The following RTN1 variants were observed in gnomAD, a reference collection of about 807,000 sequenced individuals.
RTN1 encodes reticulon-1.
A neutral mutation model predicts 65.5 loss-of-function variants in RTN1; 25 were observed. That is an observed-to-expected ratio of 0.38 (90% CI 0.28 to 0.53). RTN1 has a LOEUF of 0.53. RTN1 is among the 20% of genes least tolerant of loss of function. The probability of loss-of-function intolerance (pLI) is 0.79; values close to 1 mark genes in which losing one functional copy is unlikely to be tolerated. For missense variants in RTN1, 983 were observed against 1,025.4 expected (o/e 0.96, Z 0.57); for synonymous variants, 471 against 447.6 (o/e 1.05, Z -0.66).
At chr14:59,725,541 C>A (rs1884739196) in intron 3 of RTN1, among the ~76,000 whole-genome samples, 2 of 152,098 alleles carry the variant, frequency 1.3e-5, no homozygotes, top group Admixed American at 1.3e-4. Context: ...TAAGATTGAC[C>A]CAACAAACAC....
Position 59,748,210 on chromosome 14 carries a change from G to GTTT in RTN1, c.242-1732_242-1730dup, listed in dbSNP as rs67657505. 3.0e-3 allele frequency among the ~76,000 whole-genome samples: 382 copies of GTTT among 125,986 alleles called. 3 individuals are homozygous for GTTT. The highest frequency in any genetic ancestry group is 0.011 in the African/African-American group (360 of 33,894). 82.7% of individuals were successfully genotyped at this position (125,986 alleles called of 152,430 possible). On this transcript the variant is annotated intron_variant, in intron 1 of 8. Transcript: ENST00000267484. Reference sequence around the variant, plus strand: ...TGCCCCGATTAAGTCAGTCTGTGAGGTTTTTTTTTTTTTTTTTTCCGGGAA... The same window carrying GTTT: ...TGCCCCGATTAAGTCAGTCTGTGAGGTTTTTTTTTTTTTTTTTTTTTCCGGGAA...
At chr14:59,717,987 C>A (rs193300033) in intron 3 of RTN1, among the ~76,000 whole-genome samples, 1 of 152,256 alleles carries the variant, frequency 6.6e-6, no homozygotes, top group Non-Finnish European at 1.5e-5. Context: ...GGGGTGAGCC[C>A]GGGAATTCTG....
At chr14:59,749,995 ATATATTATATACATATATATTATATAT>A (rs1885408895) in intron 1 of RTN1, among the ~76,000 whole-genome samples, 2 of 62,158 alleles carry the variant, frequency 3.2e-5, no homozygotes, top group Non-Finnish European at 5.6e-5. Flanking sequence ...TTATATACAT[ATATATTATATACATATATATTATATAT>A]TATATTATAT....
chr14:59,692,891 T>C (rs1883990282), intron 3 of RTN1, among the ~76,000 whole-genome samples: 1 of 152,198 alleles, frequency 6.6e-6, no homozygotes. Flanking sequence ...GATAGCTGGC[T>C]AGCCATATGA....
At chr14:59,725,236 G>A (rs1396370747) in intron 3 of RTN1, among the ~76,000 whole-genome samples, 1 of 152,226 alleles carries the variant, frequency 6.6e-6, no homozygotes, top group African/African-American at 2.4e-5. Context: ...GGCCTGCAAA[G>A]TTCCCTTTTC....
chr14:59,598,283 G>A (rs1285664569), intron 8 of RTN1, among the ~76,000 whole-genome samples: 1 of 152,182 alleles, frequency 6.6e-6, no homozygotes, highest in Non-Finnish European at 1.5e-5. Flanking sequence ...ATTAGAAGAA[G>A]AGTAATCAAG....
intron 1 of RTN1, among the ~76,000 whole-genome samples, chr14:59,749,160 C>CTATATATATA (rs1311080401): frequency 3.6e-5 from 2 of 55,246 alleles, no homozygotes; most frequent in Admixed American, 2.4e-4. Context: ...CTATCTATAT[C>CTATATATATA]TATCTATATA....
chr14:59,598,370 C>G (rs1007529841), intron 8 of RTN1, among the ~76,000 whole-genome samples: 3 of 152,156 alleles, frequency 2.0e-5, no homozygotes, highest in East Asian at 1.9e-4. Flanking sequence ...GAAGGAAATA[C>G]AAGTTCTGGG....
At chr14:59,713,774 G>T (rs568356742) in intron 3 of RTN1, among the ~76,000 whole-genome samples, 1 of 152,048 alleles carries the variant, frequency 6.6e-6, no homozygotes, top group African/African-American at 2.4e-5. Flanking sequence ...CAACATTTCA[G>T]GAAGAAGCAA....
chr14:59,867,028 A>G (rs964743106), intron 1 of RTN1, among the ~76,000 whole-genome samples: 3 of 152,216 alleles, frequency 2.0e-5, no homozygotes, highest in African/African-American at 7.2e-5. Flanking sequence ...ATAAATTGAT[A>G]TCACTGCAGC....
chr14:59,620,888 T>C (rs780171604), intron 3 of RTN1, among the ~76,000 whole-genome samples: 27 of 152,290 alleles, frequency 1.8e-4, no homozygotes, highest in Non-Finnish European at 2.8e-4. Flanking sequence ...TGAACAACCC[T>C]GGGGTTCAGG....
Position 59,868,500 on chromosome 14 carries a change from T to A in RTN1, c.241+1890A>T, listed in dbSNP as rs189009998. 6.6e-6 allele frequency among the ~76,000 whole-genome samples: 1 copy of A among 152,316 alleles called. No homozygotes were observed. Among genetic ancestry groups the A allele is most frequent in the East Asian group, 1.9e-4 (1 of 5,188 alleles). On this transcript the variant is annotated intron_variant, in intron 1 of 8. Transcript: ENST00000267484. This position sits in a 1 kb window ranked among gnomAD's most constrained non-coding sequence, Gnocchi z 4.0. ...TTGTTATTTACTACAGCCACCTTTC[T>A]GTAACAATGCACTGTACATTTTGAA...
At chr14:59,845,141 T>C (rs1434012034) in intron 1 of RTN1, among the ~76,000 whole-genome samples, 6 of 152,202 alleles carry the variant, frequency 3.9e-5, no homozygotes, top group Non-Finnish European at 7.3e-5. Flanking sequence ...GGGTTCATAG[T>C]TTGCATCTTT....
At chr14:59,809,325 T>C (rs1202414459) in intron 1 of RTN1, among the ~76,000 whole-genome samples, 1 of 152,084 alleles carries the variant, frequency 6.6e-6, no homozygotes, top group Non-Finnish European at 1.5e-5. Flanking sequence ...CACTGGTGGC[T>C]TGCCATTCCA....
intron 2 of RTN1, among the ~76,000 whole-genome samples, chr14:59,737,478 G>A (rs1885024155): frequency 6.6e-6 from 1 of 152,022 alleles, no homozygotes; most frequent in Admixed American, 6.5e-5. Context: ...CCTCTTCAAG[G>A]GGAACTACAA....
rs768284971 is a variant in RTN1 at position 59,790,136 on chromosome 14, T to G, written c.242-43655A>C. 3.1e-4 allele frequency among the ~76,000 whole-genome samples: 47 copies of G among 152,108 alleles called. No homozygotes were observed. Among genetic ancestry groups the G allele is most frequent in the Non-Finnish European group, 5.9e-4 (40 of 67,992 alleles). ...ATGAAGAAAACCTGAAATAATGACT[T>G]AGAAGAAAGGCTTCAAATAACCAGT... On this transcript the variant is annotated intron_variant, in intron 1 of 8. Coordinates refer to ENST00000267484, the MANE Select transcript of RTN1 (RefSeq NM_021136.3). The surrounding 1 kb of genome is among the most constrained non-coding windows in gnomAD (Gnocchi z 4.1).
In RTN1 at chr14:59,868,343, A is replaced by G. The variant is rs568284440; in HGVS notation, c.241+2047T>C. ...ATATGTGCTCCTTCCATCTTTCTTC[A>G]TTCTTCTCCCATCCAAACGTAGTAT... On this transcript the variant is annotated intron_variant, in intron 1 of 8. Transcript: ENST00000267484. The surrounding 1 kb of genome is among the most constrained non-coding windows in gnomAD (Gnocchi z 4.0). 6.3e-4 allele frequency among the ~76,000 whole-genome samples: 96 copies of G among 152,268 alleles called. No individual in the cohort carries two copies. The South Asian group carries it at 7.7e-3, about 12-fold the overall frequency.
At chr14:59,679,896 G>T (rs1883709667) in intron 3 of RTN1, among the ~76,000 whole-genome samples, 1 of 152,104 alleles carries the variant, frequency 6.6e-6, no homozygotes, top group Admixed American at 6.6e-5. Flanking sequence ...ACAGGTTGGG[G>T]GTTGGGGTTT....
At chr14:59,696,568 G>A (rs1334360877) in intron 3 of RTN1, among the ~76,000 whole-genome samples, 1 of 151,734 alleles carries the variant, frequency 6.6e-6, no homozygotes, top group East Asian at 1.9e-4. Context: ...ACAGCTGCAT[G>A]AATGGATCCC....
Sources: gnomAD v4.1 joint callset for allele counts (sites outside exome capture counted in the v4.1 genomes callset) on GRCh38, gnomAD v4.1.1 for gene constraint, Gnocchi (gnomAD v3.1) non-coding constraint, MANE v1.5 for transcripts, NCBI Gene and HGNC (gene_info 2026-07-23, HGNC 2026-07-21) for gene names.